The following UGT1A10 variants were observed in gnomAD, a reference collection of about 807,000 sequenced individuals.
The protein encoded by UGT1A10 is UDP glucuronosyltransferase family 1 member A10, also known as UDP-glucuronosyltransferase 1A10.
Under a neutral mutation model 45.8 loss-of-function variants are expected in UGT1A10, and 49 were observed. The observed-to-expected ratio is 1.07, with a 90% CI of 0.85 to 1.36. The LOEUF (loss-of-function observed/expected upper bound fraction) is 1.36, where lower values mean the gene tolerates loss of function less well. Ranked by LOEUF, UGT1A10 falls within the 40% of genes most tolerant of loss-of-function variation. The pLI, the probability that UGT1A10 is intolerant of heterozygous loss-of-function variation, is 0.00. For missense variants in UGT1A10, 745 were observed against 668.6 expected, an observed-to-expected ratio of 1.11 and a Z score of -1.26; for synonymous variants, 284 against 249.7, an observed-to-expected ratio of 1.14 and a Z score of -1.29.
chr2:233,681,908 C>T, intron 1 of UGT1A10: 1 of 1,598,330 alleles, frequency 6.3e-7, no homozygotes, highest in Non-Finnish European at 8.5e-7. Context: ...CTTAGAATCC[C>T]AGCTGCTGGC....
chr2:233,733,547 C>T (rs1401564261), intron 1 of UGT1A10, among the ~76,000 whole-genome samples: 1 of 152,178 alleles, frequency 6.6e-6, no homozygotes, highest in African/African-American at 2.4e-5. Context: ...AAGGCCTTTT[C>T]TGCATCTGTT....
At chr2:233,670,619 T>C (rs1166062784) in intron 1 of UGT1A10, among the ~76,000 whole-genome samples, 5 of 152,224 alleles carry the variant, frequency 3.3e-5, no homozygotes, top group Non-Finnish European at 7.3e-5. Context: ...TCAAGTCATC[T>C]TCTGTTGATT....
At chr2:233,728,181 A>T (rs2077687901) in intron 1 of UGT1A10, among the ~76,000 whole-genome samples, 1 of 152,226 alleles carries the variant, frequency 6.6e-6, no homozygotes, top group South Asian at 2.1e-4. Context: ...CATTCTTATC[A>T]GAACTTGGTG....
At chr2:233,739,588 C>A (rs1487878859) in intron 1 of UGT1A10, among the ~76,000 whole-genome samples, 1 of 152,180 alleles carries the variant, frequency 6.6e-6, no homozygotes, top group African/African-American at 2.4e-5. Context: ...TTGCATGGGG[C>A]CTATAGCCCC....
At chr2:233,743,804 T>C (rs1692519610) in intron 1 of UGT1A10, 4 of 1,367,166 alleles carry the variant, frequency 2.9e-6, no homozygotes, top group Non-Finnish European at 2.9e-6. Context: ...TTCCTCCTTG[T>C]TCTCAGGGTT....
In UGT1A10 at chr2:233,745,829, T is replaced by C. The variant is rs1012358577; in HGVS notation, c.856-21205T>C. Among the ~76,000 whole-genome samples, 18 of 151,294 alleles carry C rather than the reference T, an allele frequency of 1.2e-4. 1 individual carries two copies. The highest frequency in any genetic ancestry group is 4.2e-4 in the African/African-American group (17 of 40,760). Reference sequence around the variant, plus strand: ...GAGTTTTGAGAGCAAGGCAGAGGACTCTGAATTTTCTTCTGTGCCCAGGAA... The same window carrying C: ...GAGTTTTGAGAGCAAGGCAGAGGACCCTGAATTTTCTTCTGTGCCCAGGAA... On this transcript the variant is annotated intron_variant, in intron 1 of 4. Coordinates refer to ENST00000344644, the MANE Select transcript of UGT1A10 (RefSeq NM_019075.4).
At chr2:233,709,179 T>C (rs1190184795) in intron 1 of UGT1A10, among the ~76,000 whole-genome samples, 1 of 152,148 alleles carries the variant, frequency 6.6e-6, no homozygotes, top group African/African-American at 2.4e-5. Context: ...TGTTCTATCC[T>C]GAGCTGGGAG....
chr2:233,695,661 G>A (rs1257183826), intron 1 of UGT1A10, among the ~76,000 whole-genome samples: 1 of 151,638 alleles, frequency 6.6e-6, no homozygotes, highest in Non-Finnish European at 1.5e-5. Context: ...ATATAAATGA[G>A]AACATGTGGT....
At chr2:233,691,299 TC>T in intron 1 of UGT1A10, 1 of 985,512 alleles carries the variant, frequency 1.0e-6, no homozygotes, top group South Asian at 4.7e-5. Context: ...AAGCTGCCAA[TC>T]CTCTTGGGAG....
intron 1 of UGT1A10, among the ~76,000 whole-genome samples, chr2:233,738,670 T>G (rs377285735): frequency 6.6e-6 from 1 of 152,186 alleles, no homozygotes; most frequent in African/African-American, 2.4e-5. Flanking sequence ...TTGAGAGAGA[T>G]GATCTGAAAT....
chr2:233,675,067 G>T (rs2074308217), intron 1 of UGT1A10, among the ~76,000 whole-genome samples: 2 of 152,190 alleles, frequency 1.3e-5, no homozygotes, highest in Admixed American at 6.5e-5. Flanking sequence ...AGGTGTGTTT[G>T]TGTGCAGTGT....
At chr2:233,726,437 T>C (rs955428993) in intron 1 of UGT1A10, among the ~76,000 whole-genome samples, 7 of 152,238 alleles carry the variant, frequency 4.6e-5, no homozygotes, top group Non-Finnish European at 8.8e-5. Flanking sequence ...CTTAATCTTA[T>C]TCTTTCCACT....
At chr2:233,724,293 C>G (rs1226718888) in intron 1 of UGT1A10, among the ~76,000 whole-genome samples, 3 of 135,034 alleles carry the variant, frequency 2.2e-5, no homozygotes, top group South Asian at 2.6e-4. Flanking sequence ...GGGGGCTGAC[C>G]CCCCCACCTC....
intron 1 of UGT1A10, chr2:233,648,137 A>G: frequency 1.5e-6 from 2 of 1,299,836 alleles, no homozygotes; most frequent in South Asian, 3.3e-5. Context: ...TGGGAAGCAG[A>G]AGTACGACGC....
At chr2:233,688,952 G>A (rs2074921038) in intron 1 of UGT1A10, among the ~76,000 whole-genome samples, 1 of 152,180 alleles carries the variant, frequency 6.6e-6, no homozygotes, top group Non-Finnish European at 1.5e-5. Flanking sequence ...GAAGCCAAAT[G>A]TTTGGAATCA....
At chr2:233,705,435 C>T (rs1194240506) in intron 1 of UGT1A10, among the ~76,000 whole-genome samples, 4 of 152,116 alleles carry the variant, frequency 2.6e-5, no homozygotes, top group Non-Finnish European at 5.9e-5. Flanking sequence ...ATAACTTATC[C>T]TTCAGAATTG....
At chr2:233,672,833 G>T in intron 1 of UGT1A10, 3 of 1,552,090 alleles carry the variant, frequency 1.9e-6, no homozygotes, top group Non-Finnish European at 1.7e-6. Context: ...CTTCACCTTT[G>T]GAAATTAAAA....
At chr2:233,640,849 CA>C (rs753456270) in intron 1 of UGT1A10, among the ~76,000 whole-genome samples, 5 of 152,034 alleles carry the variant, frequency 3.3e-5, no homozygotes, top group Non-Finnish European at 7.4e-5. Context: ...GTTGCTATGT[CA>C]GGGGGGAAAT....
intron 1 of UGT1A10, among the ~76,000 whole-genome samples, chr2:233,738,676 G>T (rs1690872856): frequency 6.6e-6 from 1 of 152,190 alleles, no homozygotes; most frequent in African/African-American, 2.4e-5. Flanking sequence ...GAGATGATCT[G>T]AAATTGGAAC....
Sources: gnomAD v4.1 joint callset for allele counts (sites outside exome capture counted in the v4.1 genomes callset) on GRCh38, gnomAD v4.1.1 for gene constraint, MANE v1.5 for transcripts, NCBI Gene and HGNC (gene_info 2026-07-23, HGNC 2026-07-21) for gene names.